The following FSHR variants were observed in gnomAD, a reference collection of about 807,000 sequenced individuals.
FSHR encodes the protein follicle-stimulating hormone receptor.
Under a neutral mutation model 52.1 loss-of-function variants are expected in FSHR, and 46 were observed. The ratio of observed to expected loss-of-function variants is 0.88; its 90% CI spans 0.70 to 1.13. The LOEUF (loss-of-function observed/expected upper bound fraction) is 1.13, where lower values mean the gene tolerates loss of function less well. Ranked by LOEUF, FSHR falls within the 50% of genes most tolerant of loss-of-function variation. The pLI, the probability that FSHR is intolerant of heterozygous loss-of-function variation, is 0.00. For missense variants in FSHR, 964 were observed against 834.6 expected (o/e 1.16, Z -1.91); for synonymous variants, 399 against 309.6 (o/e 1.29, Z -3.03).
intron 8 of FSHR, among the ~76,000 whole-genome samples, chr2:48,977,109 A>G (rs1675024504): frequency 6.8e-6 from 1 of 146,544 alleles, no homozygotes; most frequent in Admixed American, 6.7e-5. Context: ...AATAATAATA[A>G]TAAAATCCCC....
At chr2:49,084,580 A>G (rs1670304229) in intron 1 of FSHR, among the ~76,000 whole-genome samples, 1 of 152,228 alleles carries the variant, frequency 6.6e-6, no homozygotes, top group African/African-American at 2.4e-5. Flanking sequence ...AGGATCAACA[A>G]AATTGATAGA....
chr2:49,089,674 G>A (rs1336266239), intron 1 of FSHR, among the ~76,000 whole-genome samples: 1 of 152,132 alleles, frequency 6.6e-6, no homozygotes, highest in African/African-American at 2.4e-5. Flanking sequence ...CCAATTTCTG[G>A]AAAACAGTGA....
chr2:49,095,017 G>A (rs976087160), intron 1 of FSHR, among the ~76,000 whole-genome samples: 1 of 152,022 alleles, frequency 6.6e-6, no homozygotes, highest in African/African-American at 2.4e-5. Context: ...AGTATTGTAT[G>A]CCAACAAACT....
At chr2:48,992,781 C>G (rs1011386368) in intron 4 of FSHR, among the ~76,000 whole-genome samples, 35 of 152,092 alleles carry the variant, frequency 2.3e-4, no homozygotes, top group African/African-American at 8.2e-4. Flanking sequence ...TCTTCTTTCA[C>G]AGCAAAGCTT....
At chr2:49,029,629 G>T (rs569383389) in intron 2 of FSHR, among the ~76,000 whole-genome samples, 37 of 152,294 alleles carry the variant, frequency 2.4e-4, no homozygotes, top group African/African-American at 8.2e-4. Context: ...GGCTGTTGAA[G>T]ATCACATGAA....
chr2:49,112,289 CT>C (rs1335197988), intron 1 of FSHR, among the ~76,000 whole-genome samples: 5 of 151,920 alleles, frequency 3.3e-5, no homozygotes, highest in Admixed American at 3.3e-4. Context: ...ATTTTTTTCC[CT>C]AGTAGAATAC....
intron 1 of FSHR, among the ~76,000 whole-genome samples, chr2:49,085,541 A>T (rs1322025970): frequency 6.6e-6 from 1 of 152,210 alleles, no homozygotes; most frequent in Non-Finnish European, 1.5e-5. Context: ...CAATTTTGGA[A>T]TAGGTGTGGT....
chr2:48,992,001 C>T (rs1046209006), intron 4 of FSHR, among the ~76,000 whole-genome samples: 4 of 151,966 alleles, frequency 2.6e-5, no homozygotes, highest in Non-Finnish European at 4.4e-5. Context: ...TATGGGTTCT[C>T]GGTGATGGTT....
chr2:48,972,026 G>A (rs6545090), intron 8 of FSHR, among the ~76,000 whole-genome samples: 31,978 of 151,974 alleles, frequency 0.21, 4,496 homozygotes, highest in African/African-American at 0.41. Flanking sequence ...TTGTATTTCT[G>A]GGTTGCTTCT....
intron 2 of FSHR, among the ~76,000 whole-genome samples, chr2:49,028,764 T>A (rs552120991): frequency 3.9e-5 from 6 of 152,180 alleles, no homozygotes. Flanking sequence ...TAGCTGTTGG[T>A]TGGAGGTGCC....
chr2:49,020,319 A>G (rs540061353), intron 2 of FSHR, among the ~76,000 whole-genome samples, 159 bp from the exon 3 acceptor site: 2 of 152,290 alleles, frequency 1.3e-5, no homozygotes, highest in South Asian at 2.1e-4. Context: ...GGCAAAACTA[A>G]CATACTAGAG....
intron 1 of FSHR, among the ~76,000 whole-genome samples, chr2:49,117,735 G>A (rs910887316): frequency 2.6e-5 from 4 of 152,144 alleles, no homozygotes; most frequent in South Asian, 2.1e-4. Flanking sequence ...CTCGCTTTCC[G>A]TTTTTCAAAT....
chr2:49,105,416 G>A (rs1166090311), intron 1 of FSHR, among the ~76,000 whole-genome samples: 4 of 152,096 alleles, frequency 2.6e-5, no homozygotes, highest in African/African-American at 7.2e-5. Context: ...CAAGGTGAGG[G>A]TTCCAAGGAA....
chr2:49,068,134 T>G, intron 2 of FSHR, 85 bp downstream of exon 2: 4 of 1,001,904 alleles, frequency 4.0e-6, no homozygotes, highest in South Asian at 3.8e-5. Context: ...GGCTACTAAG[T>G]GCAGATAGTC....
At chr2:49,034,763 C>A (rs909982165) in intron 2 of FSHR, among the ~76,000 whole-genome samples, 1 of 152,070 alleles carries the variant, frequency 6.6e-6, no homozygotes, top group Non-Finnish European at 1.5e-5. Flanking sequence ...TTATTCTTTT[C>A]TTCCAGACAC....
chr2:49,145,928 A>G (rs1294422316), intron 1 of FSHR, among the ~76,000 whole-genome samples: 1 of 152,028 alleles, frequency 6.6e-6, no homozygotes, highest in Non-Finnish European at 1.5e-5. Context: ...TGAGTAGGGG[A>G]ATATAAAACA....
intron 1 of FSHR, among the ~76,000 whole-genome samples, chr2:49,117,942 G>T (rs535407920): frequency 2.0e-5 from 3 of 152,160 alleles, no homozygotes; most frequent in Non-Finnish European, 4.4e-5. Flanking sequence ...TTATTTTAGG[G>T]AATTATAAAG....
At chr2:49,085,459 A>G (rs1463516595) in intron 1 of FSHR, among the ~76,000 whole-genome samples, 1 of 152,168 alleles carries the variant, frequency 6.6e-6, no homozygotes, top group East Asian at 1.9e-4. Flanking sequence ...CTCTCTCACC[A>G]CTACTATTCA....
chr2:49,111,825 A>G (rs1671434358), intron 1 of FSHR, among the ~76,000 whole-genome samples: 2 of 152,168 alleles, frequency 1.3e-5, no homozygotes, highest in African/African-American at 2.4e-5. Context: ...TCTGCAATGT[A>G]TCTTTATCAC....
Sources: allele counts gnomAD v4.1 joint callset (sites outside exome capture counted in the v4.1 genomes callset), GRCh38; gene constraint gnomAD v4.1.1; transcripts MANE v1.5; gene names NCBI Gene and HGNC (gene_info 2026-07-23, HGNC 2026-07-21).